Variants in TNFRSF21 observed in about 807,000 individuals in gnomAD.
TNFRSF21 encodes the protein tumor necrosis factor receptor superfamily member 21.
TNFRSF21 carries 19 observed loss-of-function variants against 45.6 expected under a neutral mutation model. The observed-to-expected ratio is 0.42, with a 90% CI of 0.29 to 0.61. TNFRSF21 has a LOEUF of 0.61. TNFRSF21 is among the 20% of genes least tolerant of loss of function. The pLI, the probability that TNFRSF21 is intolerant of heterozygous loss-of-function variation, is 0.23. For synonymous variants in TNFRSF21, 314 were observed against 335.5 expected, an observed-to-expected ratio of 0.94 and a Z score of 0.70; for missense variants, 737 against 851.5, an observed-to-expected ratio of 0.87 and a Z score of 1.67.
chr6:47,247,630 C>T (rs568341372), intron 4 of TNFRSF21, among the ~76,000 whole-genome samples: 1 of 152,296 alleles, frequency 6.6e-6, no homozygotes, highest in South Asian at 2.1e-4. Context: ...AACTGTAGTT[C>T]CCTCTGCAGC....
At position 47,250,038 on chromosome 6, in the gene TNFRSF21, A is replaced by G. The variant is rs551710187; in HGVS notation, c.1509+3218T>C. On this transcript the variant is annotated intron_variant, in intron 4 of 5. Coordinates refer to ENST00000296861, the MANE Select transcript of TNFRSF21 (RefSeq NM_014452.5). ...TGAGTAATTACATTTTAAAAATTAC[A>G]TTTAAAAAGCAATTATATAATTACA... Among the ~76,000 whole-genome samples the G allele has an allele frequency of 3.6e-3, 547 of 152,328 alleles. 3 individuals carry two copies. The highest frequency in any genetic ancestry group is 0.021 in the South Asian group (103 of 4,828).
chr6:47,238,301 A>T (rs1236520504), intron 4 of TNFRSF21, among the ~76,000 whole-genome samples: 1 of 152,218 alleles, frequency 6.6e-6, no homozygotes, highest in Non-Finnish European at 1.5e-5. Context: ...GCCCCAGCTT[A>T]TTTCAATAAG....
At chr6:47,301,532 G>A (rs1044145411) in intron 1 of TNFRSF21, among the ~76,000 whole-genome samples, 1 of 152,232 alleles carries the variant, frequency 6.6e-6, no homozygotes, top group Non-Finnish European at 1.5e-5. Flanking sequence ...GATCCACAAT[G>A]TTGGAGGTGG....
At position 47,281,451 on chromosome 6, in the gene TNFRSF21, G is replaced by C. The variant is rs576362081; in HGVS notation, c.1243+2487C>G. Among the ~76,000 whole-genome samples, 3 of 151,982 alleles carry C rather than the reference G, an allele frequency of 2.0e-5. No homozygotes were observed. The East Asian group carries it at 5.8e-4, about 29-fold the overall frequency. ...GCCGGAGTGCAGCGGCACGATCCTG[G>C]CTCACTGCAACCTCCGCCTCCCAGG... On this transcript the variant is annotated intron_variant, in intron 3 of 5. Transcript: ENST00000296861.
Position 47,232,908 on chromosome 6 carries a change from G to A in TNFRSF21, c.1825C>T (p.Pro609Ser), listed in dbSNP as rs1764609617. 6.2e-7 allele frequency: 1 copy of A among 1,614,074 alleles called. No individual in the cohort carries two copies. Among genetic ancestry groups the A allele is most frequent in the Non-Finnish European group, 8.5e-7 (1 of 1,180,014 alleles). The change falls in exon 6 of 6, where the codon CCT (proline) becomes TCT (serine). Residue 609 changes from proline (P) to serine (S), a missense_variant. Physicochemically the swap from Pro to Ser is moderately conservative, Grantham distance 74. Transcript: ENST00000296861. ...IFDDMLHFLN[P>S]EELRVIEEIP... ...TCTTCAATCACCCGCAGCTCCTCAG[G>A]ATTTAGAAAGTGGAGCATGTCATCA...
intron 1 of TNFRSF21, among the ~76,000 whole-genome samples, chr6:47,293,175 C>G (rs1762751171): frequency 1.3e-5 from 2 of 152,146 alleles, no homozygotes; most frequent in Admixed American, 1.3e-4. Flanking sequence ...TTGCTGATGG[C>G]CACTTAAGTG....
At chr6:47,280,556 T>C (rs899387933) in intron 3 of TNFRSF21, among the ~76,000 whole-genome samples, 2 of 152,248 alleles carry the variant, frequency 1.3e-5, no homozygotes, top group African/African-American at 4.8e-5. Context: ...GAGATAGTTA[T>C]GCCTCAATGA....
At position 47,309,732 on chromosome 6, in the gene TNFRSF21, G is replaced by T. The variant is rs1762991280; in HGVS notation, c.-221C>A. The T allele has an allele frequency of 1.9e-6, 1 of 523,652 alleles. No homozygotes were observed. Among genetic ancestry groups the T allele is most frequent in the African/African-American group, 2.0e-5 (1 of 50,354 alleles). The allele number at this position is 523,652 out of a possible 1,614,324, so 32.4% of individuals were successfully genotyped here. A position where few individuals can be genotyped will look rare whatever the true frequency, so the allele number is the denominator to read the frequency against. The stretch of plus-strand genomic sequence containing the variant: ...CCAGCGGCGCGGCCGCCCAGGCGGG[G>T]AGAAGCCGCCGCGACTGCAGCCCGC... On this transcript the variant is annotated 5_prime_UTR_variant, in exon 1 of 6. Coordinates refer to ENST00000296861, the MANE Select transcript of TNFRSF21 (RefSeq NM_014452.5).
At chr6:47,243,166 G>A (rs1029726340) in intron 4 of TNFRSF21, among the ~76,000 whole-genome samples, 3 of 152,142 alleles carry the variant, frequency 2.0e-5, no homozygotes, top group Non-Finnish European at 4.4e-5. Context: ...TGGTCTACAA[G>A]TCTAAGTTAA....
chr6:47,256,541 C>CA (rs1042564758), intron 3 of TNFRSF21, among the ~76,000 whole-genome samples: 1 of 152,092 alleles, frequency 6.6e-6, no homozygotes, highest in Non-Finnish European at 1.5e-5. Flanking sequence ...TAGAATGCCA[C>CA]AAAAAATTTA....
chr6:47,269,364 G>C (rs1267656881), intron 3 of TNFRSF21, among the ~76,000 whole-genome samples: 1 of 152,090 alleles, frequency 6.6e-6, no homozygotes, highest in African/African-American at 2.4e-5. Flanking sequence ...CCTAGTCCTG[G>C]AACAGTGCCT....
chr6:47,235,113 A>T (rs1310001685), intron 4 of TNFRSF21, among the ~76,000 whole-genome samples: 2 of 152,176 alleles, frequency 1.3e-5, no homozygotes, highest in African/African-American at 4.8e-5. Context: ...AGTACTAAAA[A>T]CGGGGAGGCA....
chr6:47,268,641 C>T (rs1381441913), intron 3 of TNFRSF21, among the ~76,000 whole-genome samples: 1 of 152,186 alleles, frequency 6.6e-6, no homozygotes, highest in African/African-American at 2.4e-5. Context: ...TTCACCTCCC[C>T]CAGCCTGAAA....
chr6:47,233,971 A>C (rs1446084005), intron 5 of TNFRSF21, among the ~76,000 whole-genome samples: 1 of 152,102 alleles, frequency 6.6e-6, no homozygotes, highest in Non-Finnish European at 1.5e-5. Context: ...ATTTTAGGGT[A>C]TTTTTAAGTC....
rs142538831 is a variant in TNFRSF21, at chr6:47,286,083, C to A, written c.609G>T (p.Gly203=). 3.6e-4 allele frequency: 580 copies of A among 1,614,166 alleles called. No individual in the cohort carries two copies. The highest frequency in any genetic ancestry group is 4.7e-4 in the Non-Finnish European group (551 of 1,180,038). The change falls in exon 2 of 6, where the codon GGG becomes GGT. Residue 203 remains glycine (G), a synonymous_variant. Transcript: ENST00000296861. ...CACAGACGTTGTCTGTCTCCTTGGTCCCCGGCTTGATCACCACCAGGTTCT... is the reference window on the plus strand; with the variant it reads ...CACAGACGTTGTCTGTCTCCTTGGTACCCGGCTTGATCACCACCAGGTTCT... ...LSQNLVVIKP[G]TKETDNVCGT...
At chr6:47,290,311 G>T (rs1762707556) in intron 1 of TNFRSF21, among the ~76,000 whole-genome samples, 1 of 152,086 alleles carries the variant, frequency 6.6e-6, no homozygotes, top group Non-Finnish European at 1.5e-5. Context: ...TGTGTGGGAG[G>T]ATGGGCAGTC....
chr6:47,241,583 C>T (rs1764743486), intron 4 of TNFRSF21, among the ~76,000 whole-genome samples: 1 of 151,942 alleles, frequency 6.6e-6, no homozygotes, highest in Admixed American at 6.6e-5. Context: ...TAGAGAAAGT[C>T]TTCGAAATGG....
intron 4 of TNFRSF21, among the ~76,000 whole-genome samples, chr6:47,242,022 TGGAAGAAAGAACA>T: frequency 6.6e-6 from 1 of 152,188 alleles, no homozygotes; most frequent in East Asian, 1.9e-4. Context: ...TGTCATGGGA[TGGAAGAAAGAACA>T]GGAGCACAAC....
chr6:47,238,823 G>A lies in TNFRSF21; in HGVS notation c.1510-3925C>T, dbSNP rs1269428890. Among the ~76,000 whole-genome samples, 11 of 152,168 alleles carry A rather than the reference G, an allele frequency of 7.2e-5. No homozygotes were observed. The East Asian group carries it at 1.9e-3, about 27-fold the overall frequency. Reference sequence around the variant, plus strand: ...CTGGGCTACTGAGTTTGGTAGCAGTGTTTATGAGAATAATGATTTAACTTG... The same window carrying A: ...CTGGGCTACTGAGTTTGGTAGCAGTATTTATGAGAATAATGATTTAACTTG... On this transcript the variant is annotated intron_variant, in intron 4 of 5. Coordinates refer to ENST00000296861, the MANE Select transcript of TNFRSF21 (RefSeq NM_014452.5).
Sources: gnomAD v4.1 joint callset for allele counts (sites outside exome capture counted in the v4.1 genomes callset) on GRCh38, gnomAD v4.1.1 for gene constraint, MANE v1.5 for transcripts, NCBI Gene and HGNC (gene_info 2026-07-23, HGNC 2026-07-21) for gene names.